Variants in CAMSAP1 observed in about 807,000 individuals in gnomAD.
The protein encoded by CAMSAP1 is calmodulin regulated spectrin associated protein 1.
A neutral mutation model predicts 143.5 loss-of-function variants in CAMSAP1; 58 were observed. That is an observed-to-expected ratio of 0.40 (90% confidence interval 0.33 to 0.50). The LOEUF (loss-of-function observed/expected upper bound fraction) is 0.50, where lower values mean the gene tolerates loss of function less well. CAMSAP1 is among the 20% of genes least tolerant of loss of function. CAMSAP1 has a pLI of 0.45. For synonymous variants in CAMSAP1, 945 were observed against 859.3 expected, an observed-to-expected ratio of 1.10 and a Z score of -1.74; for missense variants, 1,969 against 2,115.7, an observed-to-expected ratio of 0.93 and a Z score of 1.36.
intron 3 of CAMSAP1, among the ~76,000 whole-genome samples, chr9:135,880,113 G>A (rs1187862172): frequency 5.9e-5 from 9 of 151,976 alleles, no homozygotes; most frequent in East Asian, 3.9e-4. Flanking sequence ...TTTCTAATAC[G>A]AGGAAAAATC....
intron 1 of CAMSAP1, among the ~76,000 whole-genome samples, chr9:135,900,963 G>A (rs111470302): frequency 0.018 from 2,757 of 151,974 alleles, 91 homozygotes; most frequent in African/African-American, 0.064. Context: ...CATGTTGGCC[G>A]GGCTGGTCTC....
In CAMSAP1 at chr9:135,818,507, C is replaced by T; in HGVS notation, c.4069G>A (p.Gly1357Arg). ...RKQQQILEEQ[G>R]LGKPKSKPKK... ...GGCTTTGACTTGGGCTTGCCGAGCC[C>T]CTGCTCCTCTAGGATCTGCTGCTGC... The change falls in exon 13 of 17, where the codon GGG becomes AGG. Residue 1357 changes from glycine to arginine, a missense_variant. This residue lies in a region of CAMSAP1 where 1,390 missense variants were observed against 1,420.8 expected (regional missense o/e 0.98). Coordinates refer to ENST00000389532, the MANE Select transcript of CAMSAP1 (RefSeq NM_015447.4). The surrounding 1 kb of genome is among the most constrained non-coding windows in gnomAD (Gnocchi z 7.7). The T allele has an allele frequency of 6.2e-7, 1 of 1,611,600 alleles. No individual in the cohort carries two copies. Among genetic ancestry groups the T allele is most frequent in the Non-Finnish European group, 8.5e-7 (1 of 1,179,764 alleles).
At chr9:135,866,074 C>T (rs1176451097) in intron 4 of CAMSAP1, among the ~76,000 whole-genome samples, 2 of 152,220 alleles carry the variant, frequency 1.3e-5, no homozygotes, top group Non-Finnish European at 2.9e-5. Flanking sequence ...CCACCAGCTA[C>T]GCTGTACCTC....
intron 3 of CAMSAP1, among the ~76,000 whole-genome samples, chr9:135,878,858 C>A (rs891803971): frequency 3.3e-5 from 5 of 152,112 alleles, no homozygotes; most frequent in African/African-American, 1.2e-4. Flanking sequence ...AACTTAAATT[C>A]ATATGGAAAT....
intron 16 of CAMSAP1, among the ~76,000 whole-genome samples, chr9:135,813,314 G>C (rs1835118698): frequency 6.6e-6 from 1 of 152,202 alleles, no homozygotes; most frequent in South Asian, 2.1e-4. Flanking sequence ...TTATGTCAAT[G>C]CCACTCTTCT....
intron 16 of CAMSAP1, among the ~76,000 whole-genome samples, chr9:135,813,258 T>C (rs1267921958): frequency 2.6e-5 from 4 of 152,202 alleles, no homozygotes; most frequent in African/African-American, 9.6e-5. Flanking sequence ...CTGGGCTGTG[T>C]GGTTGTAATG....
At chr9:135,868,609 ATTTT>A (rs767495608) in intron 3 of CAMSAP1, among the ~76,000 whole-genome samples, 4 of 93,464 alleles carry the variant, frequency 4.3e-5, no homozygotes, top group African/African-American at 1.9e-4. Flanking sequence ...GAGATTGGCA[ATTTT>A]TTTTTTTTTT....
At chr9:135,892,223 A>G (rs1838311753) in intron 1 of CAMSAP1, among the ~76,000 whole-genome samples, 1 of 152,066 alleles carries the variant, frequency 6.6e-6, no homozygotes, top group Non-Finnish European at 1.5e-5. Flanking sequence ...TTCATAATAA[A>G]CTGCTGAAGA....
chr9:135,853,936 C>A (rs1294275503), intron 5 of CAMSAP1, among the ~76,000 whole-genome samples: 1 of 152,238 alleles, frequency 6.6e-6, no homozygotes, highest in Non-Finnish European at 1.5e-5. Context: ...CCTGCCCTTA[C>A]TGAGATGACT....
At position 135,821,694 on chromosome 9, in the gene CAMSAP1, G is replaced by T. The variant is rs768728376; in HGVS notation, c.2967C>A (p.Asp989Glu). 1.2e-6 allele frequency: 2 copies of T among 1,614,032 alleles called. No individual in the cohort carries two copies. Among genetic ancestry groups the T allele is most frequent in the East Asian group, 2.2e-5 (1 of 44,878 alleles). Residue 989 changes from aspartate (D) to glutamate (E), a missense_variant, in exon 11 of 17, where the codon GAC becomes GAA. Asp to Glu is a conservative substitution (Grantham distance 45, BLOSUM62 2). This residue lies in a region of CAMSAP1 where 1,390 missense variants were observed against 1,420.8 expected (regional missense o/e 0.98). Coordinates refer to ENST00000389532, the MANE Select transcript of CAMSAP1 (RefSeq NM_015447.4). This position sits in a 1 kb window ranked among gnomAD's most constrained non-coding sequence, Gnocchi z 4.6. ...TCTCCAGCTCGTGCAGAGCCACAGG[G>T]TCTTTTGCTTTATGTTGCTGAGCAA... Reference protein sequence around the residue: ...LAFAQQHKAKDPVALHELERN... With the variant: ...LAFAQQHKAKEPVALHELERN...
chr9:135,887,232 G>A (rs907194836), intron 1 of CAMSAP1, among the ~76,000 whole-genome samples: 5 of 152,190 alleles, frequency 3.3e-5, no homozygotes, highest in Admixed American at 6.5e-5. Context: ...AACAGAGAAC[G>A]GGGCGGGGCC....
chr9:135,892,019 TG>T (rs1325477952), intron 1 of CAMSAP1, among the ~76,000 whole-genome samples: 1 of 152,120 alleles, frequency 6.6e-6, no homozygotes, highest in Admixed American at 6.5e-5. Flanking sequence ...TGGGATAAAA[TG>T]GCAAGTCTTG....
chr9:135,891,107 C>G (rs144513692), intron 1 of CAMSAP1, among the ~76,000 whole-genome samples: 1 of 152,260 alleles, frequency 6.6e-6, no homozygotes, highest in African/African-American at 2.4e-5. Flanking sequence ...CAGCCAGGCT[C>G]AGAGAGAAAC....
chr9:135,878,234 A>G (rs1325257631), intron 3 of CAMSAP1, among the ~76,000 whole-genome samples: 1 of 152,200 alleles, frequency 6.6e-6, no homozygotes, highest in Admixed American at 6.5e-5. Flanking sequence ...AGGGAGGGAA[A>G]GTCCAGGATG....
Position 135,811,258 on chromosome 9 carries a change from G to T in CAMSAP1, c.*51C>A. ...GGCACCCTCTGGATGCCAGCCACAA[G>T]GGCATCATTTACGAGTCTGGGTCAC... On this transcript the variant is annotated 3_prime_UTR_variant, in exon 17 of 17. Transcript: ENST00000389532. This position sits in a 1 kb window ranked among gnomAD's most constrained non-coding sequence, Gnocchi z 4.9. The T allele has an allele frequency of 1.9e-6, 3 of 1,571,098 alleles. 1 individual carries two copies. The South Asian group carries it at 3.5e-5, about 19-fold the overall frequency.
chr9:135,866,597 C>A, intron 3 of CAMSAP1, 61 bp from the exon 4 acceptor site: 1 of 804,462 alleles, frequency 1.2e-6, no homozygotes, highest in East Asian at 2.7e-5. Flanking sequence ...TGTATCTCCA[C>A]AATTATCCCC....
intron 2 of CAMSAP1, 91 bp from the exon 3 acceptor site, chr9:135,881,885 C>A (rs1328976822): frequency 4.1e-6 from 6 of 1,452,410 alleles, no homozygotes. Context: ...AGCATTCTGG[C>A]CTAATTTCTT....
chr9:135,824,622 G>A lies in CAMSAP1; in HGVS notation c.1315+167C>T, dbSNP rs576365378. On this transcript the variant is annotated intron_variant, in intron 9 of 16. Transcript: ENST00000389532. The surrounding 1 kb of genome is among the most constrained non-coding windows in gnomAD (Gnocchi z 4.1). ...AGAGGCTGCAGTGAGCCGAGATCGCGCCACAGCACTTCAGCCTGGTGACAG... is the reference window on the plus strand; with the variant it reads ...AGAGGCTGCAGTGAGCCGAGATCGCACCACAGCACTTCAGCCTGGTGACAG... Among the ~76,000 whole-genome samples the A allele has an allele frequency of 1.9e-3, 284 of 152,220 alleles. 3 individuals carry two copies. Among genetic ancestry groups the A allele is most frequent in the East Asian group, 9.6e-4 (5 of 5,182 alleles).
At chr9:135,862,353 A>T in intron 5 of CAMSAP1, 114 bp downstream of exon 5, 2 of 1,232,222 alleles carry the variant, frequency 1.6e-6, no homozygotes, top group Non-Finnish European at 2.2e-6. Context: ...AATTTATATT[A>T]AGGATTCCAT....
Sources: allele counts gnomAD v4.1 joint callset (sites outside exome capture counted in the v4.1 genomes callset), GRCh38; gene constraint gnomAD v4.1.1; regional missense constraint gnomAD v4.1.1; non-coding constraint Gnocchi (gnomAD v3.1); transcripts MANE v1.5; gene names NCBI Gene and HGNC (gene_info 2026-07-23, HGNC 2026-07-21).